The following THY1 variants were observed in gnomAD, a reference collection of about 807,000 sequenced individuals.
The protein encoded by THY1 is Thy-1 cell surface antigen.
A neutral mutation model predicts 14.9 loss-of-function variants in THY1; 10 were observed. The observed-to-expected ratio is 0.67, with a 90% CI of 0.41 to 1.14. The LOEUF (loss-of-function observed/expected upper bound fraction) is 1.14. Among genes scored for constraint, THY1 ranks in the 50% most tolerant of loss-of-function variants. THY1 has a pLI of 0.00. For missense variants in THY1, 159 were observed against 202.1 expected (o/e 0.79, Z 1.29); for synonymous variants, 80 against 90.0 (o/e 0.89, Z 0.63).
At position 119,419,299 on chromosome 11, in the gene THY1, C is replaced by T; in HGVS notation, c.*109G>A. 1 of 1,036,396 alleles carries T rather than the reference C, an allele frequency of 9.6e-7. No homozygotes were observed. The highest frequency in any genetic ancestry group is 1.4e-5 in the South Asian group (1 of 73,348). The allele number at this position is 1,036,396 out of a possible 1,614,324, so 64.2% of individuals were successfully genotyped here. On this transcript the variant is annotated 3_prime_UTR_variant, in exon 4 of 4. Coordinates refer to ENST00000284240, the MANE Select transcript of THY1 (RefSeq NM_006288.5). ...CTCCTGATGAGGGGTGGGGTCCCCA[C>T]TTCTCCTCAAGGTTTGAGGGATTGG... is the stretch of plus-strand genomic sequence containing the variant.
At chr11:119,420,779 G>T in intron 2 of THY1, 90 bp downstream of exon 2, 1 of 1,496,158 alleles carries the variant, frequency 6.7e-7, no homozygotes, top group Non-Finnish European at 9.3e-7. Flanking sequence ...TGTCACCTGC[G>T]CTTTTCTGAG....
intron 3 of THY1, 143 bp downstream of exon 3, chr11:119,419,908 T>G (rs1861862617): frequency 1.1e-6 from 1 of 914,630 alleles, no homozygotes; most frequent in Non-Finnish European, 1.6e-6. Flanking sequence ...AAGGCAATGG[T>G]TCCCCAGTTG....
At chr11:119,424,398 A>G (rs879444390), upstream of THY1, among the ~76,000 whole-genome samples, 7 of 152,130 alleles carry the variant, frequency 4.6e-5, no homozygotes, top group African/African-American at 1.2e-4. Flanking sequence ...GGCCTCCCCA[A>G]TGTCTGCCTG....
At position 119,418,307 on chromosome 11, in the gene THY1, C is replaced by T. The variant is rs879921342; in HGVS notation, c.*1101G>A. 2.3e-4 allele frequency: 35 copies of T among 152,542 alleles called. No individual in the cohort carries two copies. Among genetic ancestry groups the T allele is most frequent in the Non-Finnish European group, 4.5e-4 (31 of 68,310 alleles). 9.4% of individuals were successfully genotyped at this position (152,542 alleles called of 1,614,324 possible). A position where few individuals can be genotyped will look rare whatever the true frequency, so the allele number is the denominator to read the frequency against. The stretch of plus-strand genomic sequence containing the variant: ...GGTGGGGGCTGGGGGTTGGGAAAAG[C>T]CATTTCCTGAGAAGTGTCCGGCTCC... On this transcript the variant is annotated 3_prime_UTR_variant, in exon 4 of 4. Transcript: ENST00000284240.
In THY1 at chr11:119,418,955, T is replaced by C. The variant is rs532804979; in HGVS notation, c.*453A>G. The C allele has an allele frequency of 7.2e-6, 2 of 278,150 alleles. No individual in the cohort carries two copies. Among genetic ancestry groups the C allele is most frequent in the South Asian group, 4.0e-5 (1 of 25,250 alleles). 17.2% of individuals were successfully genotyped at this position (278,150 alleles called of 1,614,324 possible). A position where few individuals can be genotyped will look rare whatever the true frequency, so the allele number is the denominator to read the frequency against. ...CGAGGAGTGCTGTCAGGACAGACCA[T>C]GTCCGTGCTAGGCCCAGGCACAGCC... On this transcript the variant is annotated 3_prime_UTR_variant, in exon 4 of 4. Coordinates refer to ENST00000284240, the MANE Select transcript of THY1 (RefSeq NM_006288.5).
rs1861818028 is a variant in THY1, at chr11:119,418,279, C to A, written c.*1129G>T. On this transcript the variant is annotated 3_prime_UTR_variant, in exon 4 of 4. Transcript: ENST00000284240. ...CACAGTCACAGAACAGGAAGAACCA[C>A]CGGGTGGGGGCTGGGGGTTGGGAAA... 6.6e-6 allele frequency: 1 copy of A among 152,514 alleles called. No homozygotes were observed. The highest frequency in any genetic ancestry group is 6.5e-5 in the Admixed American group (1 of 15,288). The allele number at this position is 152,514 out of a possible 1,614,324, so 9.4% of individuals were successfully genotyped here.
chr11:119,420,124 G>C lies in THY1; in HGVS notation c.300C>G (p.Gly100=). The change falls in exon 3 of 4, where the codon GGC becomes GGG. Residue 100 remains glycine (G), a synonymous_variant. Coordinates refer to ENST00000284240, the MANE Select transcript of THY1 (RefSeq NM_006288.5). ...YLSAFTSKDE[G]TYTCALHHSG... ...AGTGGTGGAGTGCACACGTGTAGGT[G>C]CCCTCGTCCTTGCTAGTGAAGGCGG... 2 of 1,614,258 alleles carry C rather than the reference G, an allele frequency of 1.2e-6. No homozygotes were observed. Among genetic ancestry groups the C allele is most frequent in the Non-Finnish European group, 8.5e-7 (1 of 1,180,054 alleles).
Position 119,418,959 on chromosome 11 carries a change from C to G in THY1, c.*449G>C. On this transcript the variant is annotated 3_prime_UTR_variant, in exon 4 of 4. Transcript: ENST00000284240. ...GAGTGCTGTCAGGACAGACCATGTC[C>G]GTGCTAGGCCCAGGCACAGCCCAAC... 8 of 278,524 alleles carry G rather than the reference C, an allele frequency of 2.9e-5. No individual in the cohort carries two copies. The highest frequency in any genetic ancestry group is 4.5e-5 in the Admixed American group (1 of 21,982). The allele number at this position is 278,524 out of a possible 1,614,324, so 17.3% of individuals were successfully genotyped here.
At chr11:119,424,855 T>G (rs1301578893), upstream of THY1, 1 of 152,398 alleles carries the variant, frequency 6.6e-6, no homozygotes, top group East Asian at 1.9e-4. Flanking sequence ...CTGACTTCCC[T>G]CCTCCCTCCA....
upstream of THY1, chr11:119,423,604 A>C: frequency 5.0e-6 from 1 of 200,340 alleles, no homozygotes. Flanking sequence ...GCTGGAGCCC[A>C]CCTCCTCCGG....
rs1861833004 is a variant in THY1 at position 119,418,816 on chromosome 11, T to C, written c.*592A>G. The C allele has an allele frequency of 6.2e-6, 1 of 160,080 alleles. No homozygotes were observed. The highest frequency in any genetic ancestry group is 1.4e-5 in the Non-Finnish European group (1 of 72,878). The allele number at this position is 160,080 out of a possible 1,614,324, so 9.9% of individuals were successfully genotyped here. A position where few individuals can be genotyped will look rare whatever the true frequency, so the allele number is the denominator to read the frequency against. ...AAGGAGGGCTGCCCTTTTTATTTTT[T>C]TTTGGTTGTGGCTGAGAATGCTGGA... On this transcript the variant is annotated 3_prime_UTR_variant, in exon 4 of 4. Transcript: ENST00000284240.
upstream of THY1, among the ~76,000 whole-genome samples, chr11:119,424,424 C>A (rs1390384300): frequency 2.0e-5 from 3 of 152,184 alleles, no homozygotes; most frequent in Admixed American, 1.3e-4. Flanking sequence ...TCTCCTATTT[C>A]TTCATGGAAG....
upstream of THY1, chr11:119,423,425 G>A (rs1861954821): frequency 1.7e-5 from 6 of 354,920 alleles, no homozygotes; most frequent in South Asian, 1.0e-4. Flanking sequence ...ATCAGGGTGC[G>A]GCAGCCCAAA....
At position 119,423,096 on chromosome 11, in the gene THY1, C is replaced by A; in HGVS notation, c.-25+17G>T. On this transcript the variant is annotated intron_variant, in intron 1 of 3. Transcript: ENST00000284240. ...GGCGGTCCCCGAGCCCCAGGTCCCA[C>A]CGGCTCCAGTTCCCACCTGGACTGG... 1 of 456,132 alleles carries A rather than the reference C, an allele frequency of 2.2e-6. No homozygotes were observed. The highest frequency in any genetic ancestry group is 4.4e-6 in the Non-Finnish European group (1 of 226,870). 28.3% of individuals were successfully genotyped at this position (456,132 alleles called of 1,614,324 possible). A position where few individuals can be genotyped will look rare whatever the true frequency, so the allele number is the denominator to read the frequency against.
At chr11:119,423,706 A>G (rs56189868), upstream of THY1, 512 of 168,594 alleles carry the variant, frequency 3.0e-3, 1 homozygote, top group Non-Finnish European at 5.3e-3. Context: ...TTCGGAAGCG[A>G]GGCAGGTGCT....
chr11:119,421,158 T>C (rs1861892410), intron 1 of THY1: 2 of 467,162 alleles, frequency 4.3e-6, no homozygotes, highest in South Asian at 8.5e-5. Flanking sequence ...GTTTCTGCGC[T>C]TGGCCATGGA....
rs1470334401 is a variant in THY1 at position 119,422,799 on chromosome 11, G to A, written c.-25+314C>T. 6.6e-6 allele frequency among the ~76,000 whole-genome samples: 1 copy of A among 152,184 alleles called. No homozygotes were observed. The highest frequency in any genetic ancestry group is 2.4e-5 in the African/African-American group (1 of 41,436). On this transcript the variant is annotated intron_variant, in intron 1 of 3. Transcript: ENST00000284240. This position sits in a 1 kb window ranked among gnomAD's most constrained non-coding sequence, Gnocchi z 7.0. ...GAGCTGGGTTTGGGGACGTCTGGGT[G>A]GAATGTAGACCCACAGGCTGTCCTT...
chr11:119,419,541 C>T (rs184883160), intron 3 of THY1, 21 bp from the exon 4 acceptor site: 6 of 1,597,504 alleles, frequency 3.8e-6, no homozygotes, highest in Non-Finnish European at 5.1e-6. Context: ...AGAAGGGGGC[C>T]GGGGGCAGGG....
chr11:119,421,035 C>T (rs1032887530), intron 1 of THY1, 106 bp from the exon 2 acceptor site: 4 of 980,394 alleles, frequency 4.1e-6, no homozygotes, highest in Non-Finnish European at 6.4e-6. Flanking sequence ...CATCTAAGTC[C>T]CTCTCTCCAT....
Sources: allele counts gnomAD v4.1 joint callset (sites outside exome capture counted in the v4.1 genomes callset), GRCh38; gene constraint gnomAD v4.1.1; non-coding constraint Gnocchi (gnomAD v3.1); transcripts MANE v1.5; gene names NCBI Gene and HGNC (gene_info 2026-07-23, HGNC 2026-07-21).